CPQ: variants seen among roughly 807,000 people sequenced by gnomAD.
CPQ encodes the protein Ser-Met dipeptidase.
In CPQ, 37 loss-of-function variants were observed where a neutral mutation model predicts 45.7. That is an observed-to-expected ratio of 0.81 (90% confidence interval 0.62 to 1.07). The LOEUF (loss-of-function observed/expected upper bound fraction) is 1.07, where lower values mean the gene tolerates loss of function less well. Ranked by LOEUF, CPQ falls within the 50% of genes least tolerant of loss-of-function variation. The pLI, the probability that CPQ is intolerant of heterozygous loss-of-function variation, is 0.00. For missense variants in CPQ, 537 were observed against 572.9 expected, an observed-to-expected ratio of 0.94 and a Z score of 0.64; for synonymous variants, 186 against 205.8, an observed-to-expected ratio of 0.90 and a Z score of 0.82.
chr8:96,803,942 G>C (rs1811042070), intron 2 of CPQ, among the ~76,000 whole-genome samples: 1 of 152,134 alleles, frequency 6.6e-6, no homozygotes, highest in African/African-American at 2.4e-5. Context: ...CCCAGGTCAA[G>C]GTGATGATGA....
At chr8:96,652,050 C>G (rs1261231374) in intron 1 of CPQ, among the ~76,000 whole-genome samples, 4 of 152,202 alleles carry the variant, frequency 2.6e-5, no homozygotes, top group Non-Finnish European at 5.9e-5. Context: ...CTATAGTCAT[C>G]ATGCTGACAA....
intron 1 of CPQ, among the ~76,000 whole-genome samples, chr8:96,777,175 T>C (rs1384847096): frequency 2.6e-5 from 4 of 152,138 alleles, no homozygotes; most frequent in Non-Finnish European, 5.9e-5. Context: ...TTTCGCAGCA[T>C]TATTTTCATC....
chr8:96,796,029 T>C (rs1025406901), intron 2 of CPQ, among the ~76,000 whole-genome samples: 4 of 152,040 alleles, frequency 2.6e-5, no homozygotes, highest in African/African-American at 9.7e-5. Context: ...AATATATATT[T>C]TAATTACTTT....
chr8:96,796,750 A>G (rs1279731393), intron 2 of CPQ, among the ~76,000 whole-genome samples: 1 of 152,186 alleles, frequency 6.6e-6, no homozygotes, highest in Admixed American at 6.5e-5. Flanking sequence ...TGAGCTGTGT[A>G]TATGGATTGG....
intron 1 of CPQ, among the ~76,000 whole-genome samples, chr8:96,717,382 A>T (rs1703479485): frequency 6.6e-6 from 1 of 151,844 alleles, no homozygotes; most frequent in African/African-American, 2.4e-5. Flanking sequence ...CATCCATGCC[A>T]ACATCTATTA....
chr8:96,905,106 T>C (rs1030897964), intron 4 of CPQ, among the ~76,000 whole-genome samples: 3 of 151,920 alleles, frequency 2.0e-5, no homozygotes, highest in African/African-American at 7.3e-5. Flanking sequence ...TCAGGAAACA[T>C]ACAATCATGG....
intron 6 of CPQ, 141 bp from the exon 7 acceptor site, chr8:97,065,867 CA>C: frequency 1.3e-6 from 1 of 768,772 alleles, no homozygotes; most frequent in South Asian, 1.7e-5. Context: ...ATATGCAGAG[CA>C]GACCTTAAGT....
chr8:97,031,870 C>T (rs113811173), intron 6 of CPQ, among the ~76,000 whole-genome samples: 1 of 152,128 alleles, frequency 6.6e-6, no homozygotes, highest in Non-Finnish European at 1.5e-5. Context: ...CTCTTTACCT[C>T]GCCTTTAAAA....
intron 1 of CPQ, among the ~76,000 whole-genome samples, chr8:96,671,345 G>A (rs371560145): frequency 6.6e-6 from 1 of 152,316 alleles, no homozygotes; most frequent in African/African-American, 2.4e-5. Context: ...GCATATGCAA[G>A]TATGTCTGAG....
intron 4 of CPQ, among the ~76,000 whole-genome samples, chr8:96,904,722 T>A (rs774575321): frequency 5.9e-5 from 9 of 152,160 alleles, no homozygotes; most frequent in Admixed American, 2.6e-4. Flanking sequence ...AATCCATAAT[T>A]GCAACAAGCT....
At chr8:96,659,741 C>T (rs377015170) in intron 1 of CPQ, among the ~76,000 whole-genome samples, 2 of 152,188 alleles carry the variant, frequency 1.3e-5, no homozygotes, top group South Asian at 2.1e-4. Context: ...AAAACAGGCT[C>T]ATAGTCGGGG....
chr8:96,668,643 T>A (rs1209366425), intron 1 of CPQ, among the ~76,000 whole-genome samples: 1 of 152,206 alleles, frequency 6.6e-6, no homozygotes, highest in Non-Finnish European at 1.5e-5. Context: ...GGAGTAAATG[T>A]AGTTTTTCCT....
chr8:96,757,382 A>G (rs1376389437), intron 1 of CPQ, among the ~76,000 whole-genome samples: 1 of 148,106 alleles, frequency 6.8e-6, no homozygotes, highest in Non-Finnish European at 1.5e-5. Context: ...AATAATAATA[A>G]TAATAATAAT....
intron 2 of CPQ, among the ~76,000 whole-genome samples, chr8:96,792,514 T>C (rs1479209247): frequency 6.6e-6 from 1 of 152,188 alleles, no homozygotes; most frequent in East Asian, 1.9e-4. Context: ...ATTTTAGGAT[T>C]GTATGTTTTT....
intron 6 of CPQ, among the ~76,000 whole-genome samples, chr8:97,059,852 C>G (rs1169435871): frequency 6.6e-6 from 1 of 152,152 alleles, no homozygotes; most frequent in Non-Finnish European, 1.5e-5. Flanking sequence ...GAAAGAGTTA[C>G]TAAAATTGAT....
intron 2 of CPQ, among the ~76,000 whole-genome samples, chr8:96,807,480 G>C (rs1274295893): frequency 6.6e-6 from 1 of 152,056 alleles, no homozygotes; most frequent in Non-Finnish European, 1.5e-5. Context: ...TGATCCACCC[G>C]CCTGGACCTC....
chr8:97,123,002 T>TA (rs1356753477), intron 7 of CPQ, among the ~76,000 whole-genome samples: 1 of 15,198 alleles, frequency 6.6e-5, no homozygotes, highest in African/African-American at 3.6e-4. Flanking sequence ...TAAAATAAAA[T>TA]ATAAAATAAA....
At chr8:97,105,442 T>G (rs1811388359) in intron 7 of CPQ, among the ~76,000 whole-genome samples, 1 of 152,214 alleles carries the variant, frequency 6.6e-6, no homozygotes, top group Non-Finnish European at 1.5e-5. Flanking sequence ...GTGTATACCA[T>G]GTTTTGTCTG....
At chr8:96,866,680 T>G (rs1563516425) in intron 3 of CPQ, among the ~76,000 whole-genome samples, 1 of 152,106 alleles carries the variant, frequency 6.6e-6, no homozygotes, top group African/African-American at 2.4e-5. Flanking sequence ...CCCTTCCTTT[T>G]TAAAATTCAG....
Sources: gnomAD v4.1 joint callset for allele counts (sites outside exome capture counted in the v4.1 genomes callset) on GRCh38, gnomAD v4.1.1 for gene constraint, MANE v1.5 for transcripts, NCBI Gene and HGNC (gene_info 2026-07-23, HGNC 2026-07-21) for gene names.